Variants in GNG4 observed in about 807,000 individuals in gnomAD.
GNG4 encodes G protein subunit gamma 4, also known as guanine nucleotide-binding protein G(I)/G(S)/G(O) subunit gamma-4.
A neutral mutation model predicts 5.8 loss-of-function variants in GNG4; 4 were observed. The observed-to-expected ratio is 0.69, with a 90% confidence interval of 0.34 to 1.57. The LOEUF is 1.57. Among genes scored for constraint, GNG4 ranks in the 40% most tolerant of loss-of-function variants. The probability of loss-of-function intolerance (pLI) is 0.06; values close to 1 mark genes in which losing one functional copy is unlikely to be tolerated. For missense variants in GNG4, 96 were observed against 95.1 expected, an observed-to-expected ratio of 1.01 and a Z score of -0.04; for synonymous variants, 29 against 32.9, an observed-to-expected ratio of 0.88 and a Z score of 0.41.
At chr1:235,636,482 T>C (rs1392674465) in intron 1 of GNG4, among the ~76,000 whole-genome samples, 3 of 152,116 alleles carry the variant, frequency 2.0e-5, no homozygotes, top group Non-Finnish European at 2.9e-5. Flanking sequence ...TTCCCTCATC[T>C]TTGCCACATG....
At chr1:235,602,687 G>A (rs9803845) in intron 1 of GNG4, among the ~76,000 whole-genome samples, 6,172 of 152,202 alleles carry the variant, frequency 0.041, 314 homozygotes, top group African/African-American at 0.12. Flanking sequence ...GGTCTAACAA[G>A]GATTCCACCT....
chr1:235,578,981 C>T (rs1687553537), intron 3 of GNG4, among the ~76,000 whole-genome samples: 1 of 151,656 alleles, frequency 6.6e-6, no homozygotes, highest in Admixed American at 6.6e-5. Context: ...CTTGTAATCC[C>T]AGCTACTTGG....
At chr1:235,647,824 C>T (rs376167447) in intron 1 of GNG4, among the ~76,000 whole-genome samples, 37 of 152,216 alleles carry the variant, frequency 2.4e-4, no homozygotes, top group African/African-American at 8.2e-4. Flanking sequence ...TTAGTAGATA[C>T]GGGGTTTCAC....
chr1:235,559,814 C>T (rs1436339924), intron 3 of GNG4, among the ~76,000 whole-genome samples: 1 of 151,854 alleles, frequency 6.6e-6, no homozygotes, highest in East Asian at 1.9e-4. Flanking sequence ...GCTTTTTTTC[C>T]ACATCAAAAG....
At chr1:235,592,383 C>T (rs1571901116) in intron 2 of GNG4, among the ~76,000 whole-genome samples, 1 of 151,742 alleles carries the variant, frequency 6.6e-6, no homozygotes, top group Non-Finnish European at 1.5e-5. Context: ...GTGGCACGTG[C>T]CTGTAATCCC....
intron 3 of GNG4, among the ~76,000 whole-genome samples, chr1:235,559,104 G>A (rs1686991220): frequency 6.6e-6 from 1 of 152,182 alleles, no homozygotes; most frequent in South Asian, 2.1e-4. Context: ...GAAGTAGACA[G>A]ACCCACACCT....
At chr1:235,558,551 G>A (rs1333524721) in intron 3 of GNG4, among the ~76,000 whole-genome samples, 1 of 152,162 alleles carries the variant, frequency 6.6e-6, no homozygotes, top group East Asian at 1.9e-4. Context: ...CCGCTGAGAG[G>A]GAGAGTTTTC....
intron 2 of GNG4, among the ~76,000 whole-genome samples, chr1:235,594,213 ACAAACCCTG>A (rs1477775874): frequency 6.6e-6 from 1 of 152,186 alleles, no homozygotes; most frequent in Non-Finnish European, 1.5e-5. Flanking sequence ...TGATGCATTC[ACAAACCCTG>A]CAAACCCTGA....
intron 1 of GNG4, among the ~76,000 whole-genome samples, chr1:235,623,541 C>T (rs572192737): frequency 1.3e-5 from 2 of 152,322 alleles, no homozygotes; most frequent in East Asian, 3.9e-4. Flanking sequence ...TTGCTGCAGT[C>T]TGCAGGAGAG....
rs112946420 is a variant in GNG4, at chr1:235,615,714, G to A, written c.-122-20203C>T. The A allele has an allele frequency of 3.3e-3, 798 of 239,256 alleles. 13 individuals are homozygous for A. Among genetic ancestry groups the A allele is most frequent in the African/African-American group, 0.018 (766 of 42,738 alleles). The allele number at this position is 239,256 out of a possible 1,614,324, so 14.8% of individuals were successfully genotyped here. ...AACATCACATAGACATAGCCATTAT[G>A]CCTCTGAGAGGCTTCCTTCCAAGAA... On this transcript the variant is annotated intron_variant, in intron 1 of 3. Transcript: ENST00000391854.
At chr1:235,631,607 G>C (rs1160683019) in intron 1 of GNG4, among the ~76,000 whole-genome samples, 1 of 146,766 alleles carries the variant, frequency 6.8e-6, no homozygotes, top group Non-Finnish European at 1.5e-5. Flanking sequence ...GTCTTGCTCT[G>C]TTGCTCAGGC....
At chr1:235,588,532 C>T (rs904014487) in intron 2 of GNG4, among the ~76,000 whole-genome samples, 5 of 152,132 alleles carry the variant, frequency 3.3e-5, no homozygotes, top group Admixed American at 2.6e-4. Flanking sequence ...AAACCTGCTT[C>T]GGTATGGACC....
At chr1:235,624,149 C>T (rs940312064) in intron 1 of GNG4, among the ~76,000 whole-genome samples, 1 of 150,404 alleles carries the variant, frequency 6.6e-6, no homozygotes, top group African/African-American at 2.5e-5. Context: ...ATCACCCAGG[C>T]TGGAGTGCAG....
In GNG4 at chr1:235,626,172, T is replaced by C. The variant is rs190707284; in HGVS notation, c.-123+23490A>G. ...CTCCTCCTTTTCATTTGCATTTCCCTAATGACATATGATGTTGAGCTTCTC... is the reference window on the plus strand; with the variant it reads ...CTCCTCCTTTTCATTTGCATTTCCCCAATGACATATGATGTTGAGCTTCTC... On this transcript the variant is annotated intron_variant, in intron 1 of 3. Transcript: ENST00000391854. Among the ~76,000 whole-genome samples, 18 of 152,342 alleles carry C rather than the reference T, an allele frequency of 1.2e-4. 1 individual carries two copies. The highest frequency in any genetic ancestry group is 1.2e-3 in the Admixed American group (18 of 15,292).
chr1:235,583,553 T>A (rs1357472288), intron 3 of GNG4, among the ~76,000 whole-genome samples, 187 bp downstream of exon 3: 1 of 152,220 alleles, frequency 6.6e-6, no homozygotes, highest in Non-Finnish European at 1.5e-5. Context: ...GTATTTTGCA[T>A]CCTTTGAATC....
rs1457361896 is a variant in GNG4 at position 235,642,387 on chromosome 1, C to T, written c.-123+7275G>A. 6.6e-6 allele frequency among the ~76,000 whole-genome samples: 1 copy of T among 152,184 alleles called. No individual in the cohort carries two copies. Among genetic ancestry groups the T allele is most frequent in the African/African-American group, 2.4e-5 (1 of 41,436 alleles). On this transcript the variant is annotated intron_variant, in intron 1 of 3. Transcript: ENST00000391854. This position sits in a 1 kb window ranked among gnomAD's most constrained non-coding sequence, Gnocchi z 4.3. ...CAGAAACTCCCTCTCGAATAGAGAC[C>T]CACGCACGGAAGGATGATACACTGT...
chr1:235,606,377 G>T (rs113897524), intron 1 of GNG4, among the ~76,000 whole-genome samples: 1 of 151,930 alleles, frequency 6.6e-6, no homozygotes, highest in Non-Finnish European at 1.5e-5. Flanking sequence ...GCAAGACTCC[G>T]TCTTAAAAAA....
At chr1:235,620,351 G>A (rs913603965) in intron 1 of GNG4, among the ~76,000 whole-genome samples, 2 of 152,128 alleles carry the variant, frequency 1.3e-5, no homozygotes, top group Admixed American at 6.5e-5. Context: ...GGCGACAAGA[G>A]TGAAACTCTA....
intron 3 of GNG4, among the ~76,000 whole-genome samples, chr1:235,570,945 C>CACATAT (rs535079462): frequency 8.6e-6 from 1 of 115,626 alleles, no homozygotes; most frequent in Non-Finnish European, 1.7e-5. Flanking sequence ...CACACACACA[C>CACATAT]ATATATATAT....
Sources: allele counts gnomAD v4.1 joint callset (sites outside exome capture counted in the v4.1 genomes callset), GRCh38; gene constraint gnomAD v4.1.1; non-coding constraint Gnocchi (gnomAD v3.1); transcripts MANE v1.5; gene names NCBI Gene and HGNC (gene_info 2026-07-23, HGNC 2026-07-21).